TANGO6: variants seen among roughly 807,000 people sequenced by gnomAD.
TANGO6 encodes transport and Golgi organization protein 6 homolog.
TANGO6 carries 90 observed loss-of-function variants against 114.2 expected under a neutral mutation model. That is an observed-to-expected ratio of 0.79 (90% CI 0.66 to 0.94). The LOEUF (loss-of-function observed/expected upper bound fraction) is 0.94. Among genes scored for constraint, TANGO6 ranks in the 40% least tolerant of loss-of-function variants. The probability of loss-of-function intolerance (pLI) is 0.00; values close to 1 mark genes in which losing one functional copy is unlikely to be tolerated. For synonymous variants in TANGO6, 477 were observed against 509.8 expected (o/e 0.94, Z 0.87); for missense variants, 1,274 against 1,315.3 (o/e 0.97, Z 0.49).
At chr16:69,013,027 A>C (rs1011827691) in intron 15 of TANGO6, among the ~76,000 whole-genome samples, 1 of 152,222 alleles carries the variant, frequency 6.6e-6, no homozygotes, top group Non-Finnish European at 1.5e-5. Flanking sequence ...CCTAGATTTT[A>C]ATTCATACTC....
chr16:69,067,534 A>AAAAAAAAAAAAC (rs1960233694), intron 17 of TANGO6, among the ~76,000 whole-genome samples: 1 of 147,256 alleles, frequency 6.8e-6, no homozygotes, highest in Non-Finnish European at 1.5e-5. Context: ...AAAAAAAAAA[A>AAAAAAAAAAAAC]AAACGCTGGG....
At chr16:68,856,530 T>A (rs1030261125) in intron 1 of TANGO6, among the ~76,000 whole-genome samples, 2 of 152,192 alleles carry the variant, frequency 1.3e-5, no homozygotes, top group Non-Finnish European at 2.9e-5. Context: ...TAGATTCCGT[T>A]TTTTAGAACA....
chr16:69,051,855 A>AAT (rs200964343), intron 17 of TANGO6, among the ~76,000 whole-genome samples: 11 of 151,552 alleles, frequency 7.3e-5, no homozygotes, highest in African/African-American at 1.2e-4. Context: ...AAAAATTAAA[A>AAT]ATATATATAT....
intron 17 of TANGO6, among the ~76,000 whole-genome samples, chr16:69,062,213 A>G (rs1289518563): frequency 6.6e-6 from 1 of 152,192 alleles, no homozygotes; most frequent in Non-Finnish European, 1.5e-5. Context: ...GATAATTCAG[A>G]AAATTCCAAG....
chr16:68,920,536 G>T (rs1268031313), intron 12 of TANGO6, among the ~76,000 whole-genome samples: 1 of 152,166 alleles, frequency 6.6e-6, no homozygotes, highest in East Asian at 1.9e-4. Context: ...GAGTCTGCAG[G>T]AAAGCAGAAT....
At chr16:68,926,759 T>G (rs896644412) in intron 12 of TANGO6, 4 of 151,964 alleles carry the variant, frequency 2.6e-5, no homozygotes, top group African/African-American at 9.7e-5. Flanking sequence ...TTAAGATCCT[T>G]AAGGTATTCA....
intron 5 of TANGO6, 134 bp from the exon 6 acceptor site, chr16:68,877,984 A>T: frequency 1.4e-6 from 1 of 715,384 alleles, no homozygotes; most frequent in Non-Finnish European, 2.1e-6. Flanking sequence ...ATGTTAAATT[A>T]AAAGAATTCT....
At chr16:68,897,360 C>T (rs1254868071) in intron 7 of TANGO6, among the ~76,000 whole-genome samples, 4 of 152,160 alleles carry the variant, frequency 2.6e-5, no homozygotes, top group Non-Finnish European at 4.4e-5. Flanking sequence ...AATATTAGCT[C>T]CTTGAAGCAG....
At chr16:69,037,880 A>G (rs1959715398) in intron 16 of TANGO6, among the ~76,000 whole-genome samples, 2 of 152,232 alleles carry the variant, frequency 1.3e-5, no homozygotes, top group Non-Finnish European at 2.9e-5. Context: ...TAGTTCTTCT[A>G]ATCTCTCTGC....
At chr16:68,924,811 A>G (rs78279333) in intron 12 of TANGO6, among the ~76,000 whole-genome samples, 5,149 of 151,638 alleles carry the variant, frequency 0.034, 119 homozygotes, top group African/African-American at 0.062. Context: ...AAACAGAAAC[A>G]AACTCCTCAC....
intron 14 of TANGO6, among the ~76,000 whole-genome samples, chr16:68,961,322 TG>T (rs1364886336): frequency 6.6e-6 from 1 of 152,212 alleles, no homozygotes; most frequent in African/African-American, 2.4e-5. Context: ...TGTAGCAGAG[TG>T]ACTGAGCATG....
intron 1 of TANGO6, among the ~76,000 whole-genome samples, chr16:68,844,663 A>G (rs1350676567): frequency 6.6e-6 from 1 of 152,178 alleles, no homozygotes; most frequent in African/African-American, 2.4e-5. Flanking sequence ...AGTTACTAAT[A>G]TTAGTAAATG....
chr16:68,847,474 G>A (rs559528996), intron 1 of TANGO6, among the ~76,000 whole-genome samples: 1 of 152,204 alleles, frequency 6.6e-6, no homozygotes, highest in East Asian at 1.9e-4. Flanking sequence ...TCATTAAAGG[G>A]GCTCTGGAAA....
intron 13 of TANGO6, among the ~76,000 whole-genome samples, chr16:68,929,629 A>G (rs1963214761): frequency 1.3e-5 from 2 of 152,154 alleles, no homozygotes; most frequent in African/African-American, 4.8e-5. Context: ...CTAACATATC[A>G]TGTAATATCT....
At chr16:69,080,395 A>G (rs999717303) in intron 17 of TANGO6, among the ~76,000 whole-genome samples, 1 of 152,136 alleles carries the variant, frequency 6.6e-6, no homozygotes, top group African/African-American at 2.4e-5. Flanking sequence ...ATAGCAAAAA[A>G]ATAAAAATGC....
chr16:69,012,909 A>G (rs1959226242), intron 15 of TANGO6, among the ~76,000 whole-genome samples: 1 of 152,214 alleles, frequency 6.6e-6, no homozygotes, highest in African/African-American at 2.4e-5. Flanking sequence ...AAAGAAAAGT[A>G]CAAACAACAA....
Position 68,974,027 on chromosome 16 carries a change from G to T in TANGO6, c.2702-1G>T. ...TCCTTTCTTTTTGTTTTCAACCCCA[G>T]GGGTTGCCCTGCTGTCAGACGTCTA... On this transcript the variant is annotated splice_acceptor_variant, in intron 14 of 17. Coordinates refer to ENST00000261778, the MANE Select transcript of TANGO6 (RefSeq NM_024562.2). LOFTEE classifies it high-confidence loss of function. The T allele has an allele frequency of 6.2e-7, 1 of 1,603,558 alleles. No individual in the cohort carries two copies. Among genetic ancestry groups the T allele is most frequent in the Non-Finnish European group, 8.5e-7 (1 of 1,175,120 alleles).
At chr16:68,864,389 C>T (rs1267297638) in intron 3 of TANGO6, among the ~76,000 whole-genome samples, 1 of 151,866 alleles carries the variant, frequency 6.6e-6, no homozygotes, top group Non-Finnish European at 1.5e-5. Context: ...ACGTGGGCAA[C>T]ATAGCAAGAC....
At chr16:69,081,746 G>A (rs8059496) in intron 17 of TANGO6, among the ~76,000 whole-genome samples, 47,889 of 151,804 alleles carry the variant, frequency 0.32, 9,555 homozygotes, top group African/African-American at 0.58. Context: ...GCTCCTGTGA[G>A]TAGGTACTTT....
Sources: gnomAD v4.1 joint callset for allele counts (sites outside exome capture counted in the v4.1 genomes callset) on GRCh38, gnomAD v4.1.1 for gene constraint, MANE v1.5 for transcripts, NCBI Gene and HGNC (gene_info 2026-07-23, HGNC 2026-07-21) for gene names.